NKAIN3: variants seen among roughly 807,000 people sequenced by gnomAD.
NKAIN3 encodes the protein sodium/potassium transporting ATPase interacting 3.
Under a neutral mutation model 30.2 loss-of-function variants are expected in NKAIN3, and 25 were observed. The observed-to-expected ratio is 0.83, with a 90% confidence interval of 0.60 to 1.16. The LOEUF (loss-of-function observed/expected upper bound fraction) is 1.16. NKAIN3 is among the 50% of genes most tolerant of loss of function. The pLI is 0.00. For missense variants in NKAIN3, 225 were observed against 254.1 expected, an observed-to-expected ratio of 0.89 and a Z score of 0.78; for synonymous variants, 91 against 89.6, an observed-to-expected ratio of 1.02 and a Z score of -0.09.
At position 62,983,457 on chromosome 8, in the gene NKAIN3, A is replaced by G. The variant is rs1824130230; in HGVS notation, c.*18050A>G. ...CCTCTTCTGTCTCCCTAAGCATTCA[A>G]CAAACACTTAGTGACCATCTGTCTT... On this transcript the variant is annotated 3_prime_UTR_variant, in exon 7 of 7. Coordinates refer to ENST00000623646, the MANE Select transcript of NKAIN3 (RefSeq NM_001304533.3). 6.6e-6 allele frequency: 1 copy of G among 152,202 alleles called. No individual in the cohort carries two copies. Among genetic ancestry groups the G allele is most frequent in the African/African-American group, 2.4e-5 (1 of 41,446 alleles). 9.4% of individuals were successfully genotyped at this position (152,202 alleles called of 1,614,324 possible). A position where few individuals can be genotyped will look rare whatever the true frequency, so the allele number is the denominator to read the frequency against.
At chr8:62,880,872 G>A (rs1586304941) in intron 4 of NKAIN3, among the ~76,000 whole-genome samples, 1 of 152,088 alleles carries the variant, frequency 6.6e-6, no homozygotes, top group Non-Finnish European at 1.5e-5. Context: ...TTTGATTAAA[G>A]AGCACATAGA....
At chr8:62,990,035 T>C in intron 5 of NKAIN3, 1 of 548,070 alleles carries the variant, frequency 1.8e-6, no homozygotes, top group Non-Finnish European at 3.3e-6. Context: ...TCAATGAATG[T>C]TTAGACTTGA....
intron 1 of NKAIN3, among the ~76,000 whole-genome samples, chr8:62,514,267 G>T (rs11783420): frequency 0.71 from 108,415 of 151,740 alleles, 39,245 homozygotes; most frequent in South Asian, 0.81. Flanking sequence ...ATAGATACTC[G>T]TTTTTTTTAA....
intron 1 of NKAIN3, among the ~76,000 whole-genome samples, chr8:62,513,506 A>C (rs1585892824): frequency 6.6e-6 from 1 of 152,140 alleles, no homozygotes; most frequent in East Asian, 1.9e-4. Flanking sequence ...CTTAAGCTGC[A>C]ATCAGATAGA....
intron 4 of NKAIN3, among the ~76,000 whole-genome samples, chr8:62,906,621 T>C (rs1821786582): frequency 6.6e-6 from 1 of 152,190 alleles, no homozygotes; most frequent in African/African-American, 2.4e-5. Context: ...AGTGGGACTT[T>C]TCCATGCTGT....
intron 1 of NKAIN3, among the ~76,000 whole-genome samples, chr8:62,278,734 T>G (rs921553084): frequency 2.0e-5 from 3 of 152,170 alleles, no homozygotes; most frequent in Non-Finnish European, 4.4e-5. Flanking sequence ...GTGCGTAGTA[T>G]TCCATGGTGT....
intron 1 of NKAIN3, among the ~76,000 whole-genome samples, chr8:62,484,252 C>T (rs1806830552): frequency 6.6e-6 from 1 of 152,204 alleles, no homozygotes; most frequent in South Asian, 2.1e-4. Context: ...CTTTCTATGT[C>T]TGTTTCACCC....
chr8:62,534,382 T>C (rs753526684), intron 1 of NKAIN3, among the ~76,000 whole-genome samples: 55 of 152,308 alleles, frequency 3.6e-4, no homozygotes, highest in Admixed American at 2.9e-3. Flanking sequence ...CTGACTCTAG[T>C]GCAACCTTCT....
At chr8:62,433,375 G>A (rs1263475032) in intron 1 of NKAIN3, among the ~76,000 whole-genome samples, 4 of 151,994 alleles carry the variant, frequency 2.6e-5, no homozygotes, top group Non-Finnish European at 5.9e-5. Context: ...CAAATGACAG[G>A]TAGTTACAGA....
chr8:62,722,677 G>A (rs1815129004), intron 3 of NKAIN3, among the ~76,000 whole-genome samples: 1 of 152,094 alleles, frequency 6.6e-6, no homozygotes, highest in Non-Finnish European at 1.5e-5. Flanking sequence ...TAGCTACAGT[G>A]GGCAGATGTG....
At chr8:62,848,941 A>T (rs62510770) in intron 4 of NKAIN3, among the ~76,000 whole-genome samples, 12,547 of 152,014 alleles carry the variant, frequency 0.083, 579 homozygotes, top group South Asian at 0.14. Context: ...TTGTCCTTAG[A>T]TCTGTTTATG....
intron 3 of NKAIN3, among the ~76,000 whole-genome samples, chr8:62,661,555 G>A (rs1204440170): frequency 6.6e-6 from 1 of 152,132 alleles, no homozygotes; most frequent in African/African-American, 2.4e-5. Flanking sequence ...ATCTCTACTG[G>A]GTAAGTAGTC....
chr8:62,604,982 C>T (rs1184061678), intron 3 of NKAIN3, among the ~76,000 whole-genome samples: 1 of 152,178 alleles, frequency 6.6e-6, no homozygotes, highest in African/African-American at 2.4e-5. Flanking sequence ...GGCTAAAAAG[C>T]TCTATTTCTT....
intron 4 of NKAIN3, among the ~76,000 whole-genome samples, chr8:62,772,114 T>A (rs1304568867): frequency 2.0e-5 from 3 of 152,170 alleles, no homozygotes; most frequent in Non-Finnish European, 4.4e-5. Context: ...CTCCATAAAT[T>A]CAATTGTTTT....
At chr8:62,625,000 A>G (rs1167315187) in intron 3 of NKAIN3, among the ~76,000 whole-genome samples, 2 of 151,876 alleles carry the variant, frequency 1.3e-5, no homozygotes, top group East Asian at 3.9e-4. Flanking sequence ...CTTTTCTTGC[A>G]TGTTTTCTAC....
In NKAIN3 at chr8:62,697,113, A is replaced by T. The variant is rs562759132; in HGVS notation, c.274-49819A>T. 2.6e-5 allele frequency among the ~76,000 whole-genome samples: 4 copies of T among 152,342 alleles called. No homozygotes were observed. The East Asian group carries it at 7.7e-4, about 29-fold the overall frequency. ...GCAGCAGGCGTAATCCTTTAAAAAC[A>T]TAGGTCAGACCATTGCAGCCCCTAA... is the stretch of plus-strand genomic sequence containing the variant. On this transcript the variant is annotated intron_variant, in intron 3 of 6. Transcript: ENST00000623646.
intron 4 of NKAIN3, among the ~76,000 whole-genome samples, chr8:62,787,962 C>A (rs183748785): frequency 6.6e-6 from 1 of 152,230 alleles, no homozygotes; most frequent in South Asian, 2.1e-4. Flanking sequence ...CAAGTCTTTG[C>A]TATTGTGAAT....
At chr8:62,469,588 A>G (rs1296789986) in intron 1 of NKAIN3, among the ~76,000 whole-genome samples, 1 of 152,044 alleles carries the variant, frequency 6.6e-6, no homozygotes, top group African/African-American at 2.4e-5. Context: ...TTCCCCTTTC[A>G]TCTCCCCTTA....
chr8:62,782,397 C>A (rs576631598), intron 4 of NKAIN3, among the ~76,000 whole-genome samples: 2 of 152,018 alleles, frequency 1.3e-5, no homozygotes, highest in South Asian at 4.2e-4. Context: ...AATTACCATA[C>A]AATCCAGCAA....
Sources: gnomAD v4.1 joint callset for allele counts (sites outside exome capture counted in the v4.1 genomes callset) on GRCh38, gnomAD v4.1.1 for gene constraint, MANE v1.5 for transcripts, NCBI Gene and HGNC (gene_info 2026-07-23, HGNC 2026-07-21) for gene names.